The following RNASEH2B variants were observed in gnomAD, a reference collection of about 807,000 sequenced individuals.
RNASEH2B encodes Aicardi-Goutieres syndrome 2 protein.
In RNASEH2B, 36 loss-of-function variants were observed where a neutral mutation model predicts 45.0. The ratio of observed to expected loss-of-function variants is 0.80; its 90% CI spans 0.61 to 1.06. The LOEUF (loss-of-function observed/expected upper bound fraction) is 1.06, where lower values mean the gene tolerates loss of function less well. RNASEH2B is among the 50% of genes least tolerant of loss of function. The pLI is 0.00. For synonymous variants in RNASEH2B, 119 were observed against 125.7 expected (o/e 0.95, Z 0.35); for missense variants, 361 against 360.3 (o/e 1.00, Z -0.02).
rs191921950 is a variant in RNASEH2B, at chr13:50,928,456, A to T, written c.136+978A>T. On this transcript the variant is annotated intron_variant, in intron 2 of 10. Coordinates refer to ENST00000336617, the MANE Select transcript of RNASEH2B (RefSeq NM_024570.4). ...AAGTTGACGTGAGAAATATTTCTTC[A>T]AGAGAAGTTTTAGGTAGCAGTAAAG... 1.9e-3 allele frequency: 286 copies of T among 152,338 alleles called. 1 individual carries two copies. The highest frequency in any genetic ancestry group is 6.3e-3 in the African/African-American group (264 of 41,578). The allele number at this position is 152,338 out of a possible 1,614,324, so 9.4% of individuals were successfully genotyped here.
At chr13:50,929,436 G>T (rs749531762) in intron 2 of RNASEH2B, 39 bp from the exon 3 acceptor site, 1 of 1,289,002 alleles carries the variant, frequency 7.8e-7, no homozygotes, top group Non-Finnish European at 1.1e-6. Context: ...GTGTGTGTGT[G>T]TGAAAACTTA....
chr13:50,948,198 CT>C, intron 8 of RNASEH2B, 130 bp downstream of exon 8: 1 of 1,437,044 alleles, frequency 7.0e-7, no homozygotes, highest in Non-Finnish European at 9.3e-7. Flanking sequence ...ATGTCATATA[CT>C]TTGTGCTTTG....
rs1034547586 is a variant in RNASEH2B at position 50,963,392 on chromosome 13, G to A, written c.742-6540G>A. 5.3e-5 allele frequency among the ~76,000 whole-genome samples: 8 copies of A among 152,034 alleles called. No homozygotes were observed. In the East Asian group the frequency reaches 1.2e-3, roughly 22 times the overall value. ...TTGGTCAGGCTGGTCTTGAACTCCCGACCTCAGGTGATCCGCCCACCTCAG... is the reference window on the plus strand; with the variant it reads ...TTGGTCAGGCTGGTCTTGAACTCCCAACCTCAGGTGATCCGCCCACCTCAG... On this transcript the variant is annotated intron_variant, in intron 9 of 9. Coordinates refer to the RNASEH2B transcript ENST00000422660.
intron 9 of RNASEH2B, among the ~76,000 whole-genome samples, chr13:50,966,672 T>C (rs1444132990): frequency 3.9e-5 from 6 of 152,334 alleles, no homozygotes; most frequent in African/African-American, 1.4e-4. Context: ...TCTGTAAGGC[T>C]TAAATTGGAT....
intron 1 of RNASEH2B, chr13:50,911,675 A>C (rs565069554): frequency 2.0e-5 from 3 of 152,340 alleles, no homozygotes; most frequent in African/African-American, 7.2e-5. Context: ...TAAAACAGCT[A>C]ATGCAAAATT....
chr13:50,915,594 TG>T, intron 1 of RNASEH2B: 2 of 397,504 alleles, frequency 5.0e-6, no homozygotes, highest in East Asian at 7.1e-5. Flanking sequence ...AGAGTCCAAG[TG>T]TGTTTTCCCT....
At chr13:50,919,437 A>C (rs1020955232) in intron 1 of RNASEH2B, among the ~76,000 whole-genome samples, 1 of 152,218 alleles carries the variant, frequency 6.6e-6, no homozygotes, top group Non-Finnish European at 1.5e-5. Flanking sequence ...CTATGTATAG[A>C]ATATACACAG....
exon 10 of RNASEH2B, chr13:50,969,955 G>A (rs2138049321): frequency 6.4e-7 from 1 of 1,551,588 alleles, no homozygotes; most frequent in African/African-American, 1.4e-5. Flanking sequence ...GACAGAAAAG[G>A]GGCAAGTGAT....
intron 9 of RNASEH2B, chr13:50,952,539 C>A (rs753490860): frequency 6.6e-6 from 1 of 152,102 alleles, no homozygotes; most frequent in African/African-American, 2.4e-5. Flanking sequence ...GTAGCTGGGA[C>A]TACAGGCACA....
chr13:50,916,364 T>C (rs1879741647), intron 1 of RNASEH2B, among the ~76,000 whole-genome samples: 1 of 152,196 alleles, frequency 6.6e-6, no homozygotes, highest in African/African-American at 2.4e-5. Context: ...GTTCAGTTGA[T>C]TTAATAGAGG....
At chr13:50,929,653 G>T in intron 3 of RNASEH2B, 71 bp downstream of exon 3, 2 of 992,484 alleles carry the variant, frequency 2.0e-6, no homozygotes, top group Admixed American at 1.9e-5. Context: ...CACACGTGGG[G>T]TTGTGGGTCT....
At chr13:50,912,834 A>G (rs1349428273) in intron 1 of RNASEH2B, 1 of 152,250 alleles carries the variant, frequency 6.6e-6, no homozygotes, top group Non-Finnish European at 1.5e-5. Context: ...ACAGAACTTT[A>G]AAGGGATTTA....
intron 1 of RNASEH2B, chr13:50,921,400 A>G (rs1951523132): frequency 6.6e-6 from 1 of 152,194 alleles, no homozygotes; most frequent in Non-Finnish European, 1.5e-5. Flanking sequence ...CATTGCTGTA[A>G]AAGCAGGGTT....
chr13:50,926,096 T>A (rs1176308948), intron 1 of RNASEH2B, among the ~76,000 whole-genome samples: 3 of 152,168 alleles, frequency 2.0e-5, no homozygotes, highest in Admixed American at 1.3e-4. Context: ...TTGTTGTTGT[T>A]GTTTCAGAGG....
At chr13:50,963,770 A>G (rs1182984975) in intron 9 of RNASEH2B, among the ~76,000 whole-genome samples, 2 of 152,256 alleles carry the variant, frequency 1.3e-5, no homozygotes, top group Non-Finnish European at 2.9e-5. Context: ...TGACCATACT[A>G]CAAAGATCAA....
In RNASEH2B at chr13:50,930,715, C is replaced by G. The variant is rs763646959; in HGVS notation, c.277C>G (p.Pro93Ala). The G allele has an allele frequency of 6.2e-7, 1 of 1,613,854 alleles. No homozygotes were observed. The highest frequency in any genetic ancestry group is 2.2e-5 in the East Asian group (1 of 44,890). Residue 93 changes from proline to alanine, a missense_variant, in exon 4 of 11, where the codon CCT (proline) becomes GCT (alanine). Pro to Ala is a conservative substitution (Grantham distance 27, BLOSUM62 -1). Coordinates refer to ENST00000336617, the MANE Select transcript of RNASEH2B (RefSeq NM_024570.4). ...TCTCCATTTTGCCACACCTGTGGAT[C>G]CTCTATTTCTGCTTCTCCACTACCT... ...GLLHFATPVD[P>A]LFLLLHYLIK... is the part of the protein sequence containing the mutation.
At chr13:50,918,448 T>C (rs776419302) in intron 1 of RNASEH2B, among the ~76,000 whole-genome samples, 6 of 152,204 alleles carry the variant, frequency 3.9e-5, no homozygotes, top group Non-Finnish European at 5.9e-5. Flanking sequence ...CTAATTTTTA[T>C]TTTTTTCTCC....
intron 5 of RNASEH2B, 170 bp downstream of exon 5, chr13:50,935,169 G>A (rs146774907): frequency 1.0e-4 from 63 of 624,944 alleles, no homozygotes; most frequent in African/African-American, 1.0e-3. Flanking sequence ...GCTTTGGAGT[G>A]TTTAGTCTTT....
intron 1 of RNASEH2B, among the ~76,000 whole-genome samples, chr13:50,918,263 G>T (rs889273607): frequency 6.6e-6 from 1 of 151,976 alleles, no homozygotes; most frequent in Non-Finnish European, 1.5e-5. Context: ...TCAGCCTCCC[G>T]AGTAGCTGGG....
Sources: gnomAD v4.1 joint callset for allele counts (sites outside exome capture counted in the v4.1 genomes callset) on GRCh38, gnomAD v4.1.1 for gene constraint, MANE v1.5 for transcripts, NCBI Gene and HGNC (gene_info 2026-07-23, HGNC 2026-07-21) for gene names.